The following SCUBE2 variants were observed in gnomAD, a reference collection of about 807,000 sequenced individuals.
SCUBE2 encodes the protein signal peptide, CUB domain and EGF like domain containing 2.
Under a neutral mutation model 125.9 loss-of-function variants are expected in SCUBE2, and 114 were observed. The ratio of observed to expected loss-of-function variants is 0.91; its 90% CI spans 0.78 to 1.06. The LOEUF (loss-of-function observed/expected upper bound fraction) is 1.06. Ranked by LOEUF, SCUBE2 falls within the 50% of genes least tolerant of loss-of-function variation. SCUBE2 has a pLI of 0.00. For synonymous variants in SCUBE2, 459 were observed against 492.9 expected (o/e 0.93, Z 0.91); for missense variants, 1,255 against 1,301.8 (o/e 0.96, Z 0.55).
chr11:9,026,178 A>T (rs1855741574), intron 20 of SCUBE2: 1 of 202,090 alleles, frequency 4.9e-6, no homozygotes, highest in Admixed American at 5.7e-5. Context: ...CATCACCACC[A>T]TTTGCTGCCT....
chr11:9,053,168 G>T lies in SCUBE2; in HGVS notation c.1378C>A (p.His460Asn). 6.2e-7 allele frequency: 1 copy of T among 1,614,230 alleles called. No individual in the cohort carries two copies. The highest frequency in any genetic ancestry group is 8.5e-7 in the Non-Finnish European group (1 of 1,180,040). The part of the protein sequence containing the change: ...PTSVSPRVSL[H>N]CGKSGGGDGC... ...TCTCCTCCACCACTCTTACCGCAGT[G>T]CAGGGACACACGGGGTGACACACTT... is the stretch of plus-strand genomic sequence containing the variant. Residue 460 changes from histidine (H) to asparagine (N), a missense_variant, in exon 12 of 23, where the codon CAC (histidine) becomes AAC (asparagine). Physicochemically the swap from His to Asn is moderately conservative, Grantham distance 68. This residue lies in a region of SCUBE2 where 378 missense variants were observed against 463.1 expected (regional missense o/e 0.82). Coordinates refer to ENST00000649792, the MANE Select transcript of SCUBE2 (RefSeq NM_001367977.2).
At chr11:9,064,380 C>T (rs11042168) in intron 7 of SCUBE2, among the ~76,000 whole-genome samples, 1 of 151,162 alleles carries the variant, frequency 6.6e-6, no homozygotes, top group East Asian at 1.9e-4. Flanking sequence ...GTGAGAGAAT[C>T]GCTTGAGCCT....
intron 14 of SCUBE2, among the ~76,000 whole-genome samples, chr11:9,049,394 C>T (rs1858120457): frequency 6.6e-6 from 1 of 152,100 alleles, no homozygotes; most frequent in African/African-American, 2.4e-5. Flanking sequence ...CAGGCACAAA[C>T]CACTAGGCCC....
chr11:9,045,248 C>G (rs1365583031), intron 16 of SCUBE2, among the ~76,000 whole-genome samples: 1 of 152,110 alleles, frequency 6.6e-6, no homozygotes, highest in Non-Finnish European at 1.5e-5. Context: ...AATCACACAG[C>G]AAACTATAAC....
chr11:9,067,173 G>C (rs541946638), intron 5 of SCUBE2, among the ~76,000 whole-genome samples: 2 of 152,266 alleles, frequency 1.3e-5, no homozygotes, highest in African/African-American at 4.8e-5. Context: ...CTGTACTGGG[G>C]CTTTGGGAAA....
intron 21 of SCUBE2, chr11:9,024,167 TA>T (rs887541390): frequency 1.9e-6 from 2 of 1,056,258 alleles, no homozygotes; most frequent in East Asian, 7.3e-5. Context: ...TTTTTCATTT[TA>T]AAAAAAATCA....
chr11:9,044,511 T>A (rs762308082), intron 16 of SCUBE2, among the ~76,000 whole-genome samples: 6 of 152,136 alleles, frequency 3.9e-5, no homozygotes, highest in African/African-American at 4.8e-5. Context: ...GGATTACAGA[T>A]GTGAGCCACT....
chr11:9,079,500 T>C lies in SCUBE2; in HGVS notation c.266A>G (p.Glu89Gly), dbSNP rs1227613169. ...GEGRQCEDID[E>G]CGNELNGGCV... ...GCCTCCATTGAGCTCATTTCCACAT[T>C]CATCGATGTCTGAGGAATAAAACAG... The change falls in exon 3 of 23, where the codon GAA (glutamate) becomes GGA (glycine). Residue 89 changes from glutamate to glycine, a missense_variant. This residue lies in a region of SCUBE2 where 362 missense variants were observed against 323.0 expected (regional missense o/e 1.12). Transcript: ENST00000649792. 1 of 1,613,588 alleles carries C rather than the reference T, an allele frequency of 6.2e-7. No homozygotes were observed.
intron 7 of SCUBE2, 43 bp downstream of exon 7, chr11:9,065,848 A>G: frequency 6.5e-7 from 1 of 1,539,556 alleles, no homozygotes; most frequent in Admixed American, 1.7e-5. Context: ...GGGAGGGAAA[A>G]GGACAATTGC....
In SCUBE2 at chr11:9,089,700, C is replaced by A; in HGVS notation, c.256+7G>T. 6.2e-7 allele frequency: 1 copy of A among 1,613,046 alleles called. No individual in the cohort carries two copies. The highest frequency in any genetic ancestry group is 8.5e-7 in the Non-Finnish European group (1 of 1,179,408). ...CAGTCCCCCCACATGGTCCCCAAGGCACTTACCCTCACACTGCCTGCCTTC... is the reference window on the plus strand; with the variant it reads ...CAGTCCCCCCACATGGTCCCCAAGGAACTTACCCTCACACTGCCTGCCTTC... On this transcript the variant is annotated splice_region_variant and intron_variant, in intron 2 of 22. Coordinates refer to ENST00000649792, the MANE Select transcript of SCUBE2 (RefSeq NM_001367977.2).
rs1858567027 is a variant in SCUBE2, at chr11:9,052,910, AC to A, written c.1448-79del. On this transcript the variant is annotated intron_variant, in intron 12 of 22. Transcript: ENST00000649792. ...CTGGTAGCAGCTAAACTGTCCCCCC[AC>A]CCCACTCCACATGGGCCACTAGAAA... The A allele has an allele frequency of 6.7e-6, 8 of 1,193,838 alleles. No individual in the cohort carries two copies. In the South Asian group the frequency reaches 8.2e-5, roughly 12 times the overall value. 74.0% of individuals were successfully genotyped at this position (1,193,838 alleles called of 1,614,324 possible).
intron 16 of SCUBE2, among the ~76,000 whole-genome samples, chr11:9,040,505 G>A (rs371764993): frequency 1.3e-4 from 13 of 103,550 alleles, no homozygotes; most frequent in African/African-American, 3.3e-4. Flanking sequence ...GCGTGGGTAC[G>A]CAGGAGAAAG....
At chr11:9,047,707 G>A (rs1857940021) in intron 15 of SCUBE2, 145 bp from the exon 16 acceptor site, 5 of 953,166 alleles carry the variant, frequency 5.2e-6, no homozygotes, top group Non-Finnish European at 7.8e-6. Context: ...CTAGCAGGCT[G>A]GGCAGCATTT....
chr11:9,025,879 TG>T lies in SCUBE2; in HGVS notation c.2702-26del. ...GCTGCCAAGGGAAGTTGGAGAAGGG[TG>T]GGGTTCAAGACTCATCACTGATCAG... On this transcript the variant is annotated intron_variant, in intron 20 of 22. Transcript: ENST00000649792. The T allele has an allele frequency of 1.9e-6, 3 of 1,610,322 alleles. No homozygotes were observed. In the South Asian group the frequency reaches 3.3e-5, roughly 18 times the overall value.
intron 11 of SCUBE2, 113 bp downstream of exon 11, chr11:9,053,524 G>A: frequency 8.2e-7 from 1 of 1,212,426 alleles, no homozygotes; most frequent in Non-Finnish European, 1.2e-6. Context: ...GCTGCAGCTG[G>A]TGGGGAAGTC....
chr11:9,053,084 C>G lies in SCUBE2; in HGVS notation c.1447+15G>C, dbSNP rs774973277. The G allele has an allele frequency of 2.5e-6, 4 of 1,608,194 alleles. No individual in the cohort carries two copies. Among genetic ancestry groups the G allele is most frequent in the African/African-American group, 2.7e-5 (2 of 74,840 alleles). ...CCAGTGTGAGGACCTGCCCCGGGAA[C>G]TGGGCCCCACTCACCTGAAGAGAGG... On this transcript the variant is annotated intron_variant, in intron 12 of 22. Coordinates refer to ENST00000649792, the MANE Select transcript of SCUBE2 (RefSeq NM_001367977.2).
Position 9,088,841 on chromosome 11 carries a change from AC to A in SCUBE2, c.256+865del, listed in dbSNP as rs1285433508. Among the ~76,000 whole-genome samples, 5 of 152,316 alleles carry A rather than the reference AC, an allele frequency of 3.3e-5. No individual in the cohort carries two copies. The East Asian group carries it at 5.8e-4, about 18-fold the overall frequency. ...GCAGCAGGCTGAGTAAATATGAGAAACGTGGGGTTGGGGACAGAGCTAGGGG... is the reference window on the plus strand; with the variant it reads ...GCAGCAGGCTGAGTAAATATGAGAAAGTGGGGTTGGGGACAGAGCTAGGGG... On this transcript the variant is annotated intron_variant, in intron 2 of 22. Transcript: ENST00000649792.
chr11:9,076,208 C>T (rs752371759), intron 3 of SCUBE2, among the ~76,000 whole-genome samples: 1 of 151,982 alleles, frequency 6.6e-6, no homozygotes, highest in Non-Finnish European at 1.5e-5. Context: ...AATCCCGGAC[C>T]CTGCCAGGGG....
At chr11:9,082,987 T>TA (rs905703706) in intron 2 of SCUBE2, among the ~76,000 whole-genome samples, 2 of 110,752 alleles carry the variant, frequency 1.8e-5, no homozygotes, top group Admixed American at 9.5e-5. Context: ...GTAAAGTTGT[T>TA]AAAAAGTTGC....
Sources: allele counts gnomAD v4.1 joint callset (sites outside exome capture counted in the v4.1 genomes callset), GRCh38; gene constraint gnomAD v4.1.1; regional missense constraint gnomAD v4.1.1; transcripts MANE v1.5; gene names NCBI Gene and HGNC (gene_info 2026-07-23, HGNC 2026-07-21).